NLRP8: variants seen among roughly 807,000 people sequenced by gnomAD.
The protein encoded by NLRP8 is NLR family pyrin domain containing 8, also known as NACHT, LRR and PYD domains-containing protein 8.
NLRP8 carries 86 observed loss-of-function variants against 88.7 expected under a neutral mutation model. That is an observed-to-expected ratio of 0.97 (90% CI 0.81 to 1.16). The LOEUF is 1.16. Ranked by LOEUF, NLRP8 falls within the 50% of genes most tolerant of loss-of-function variation. NLRP8 has a pLI of 0.00. For synonymous variants in NLRP8, 504 were observed against 494.6 expected (o/e 1.02, Z -0.25); for missense variants, 1,342 against 1,286.5 (o/e 1.04, Z -0.66).
chr19:55,953,415 C>T (rs147594425), intron 2 of NLRP8, among the ~76,000 whole-genome samples: 171 of 152,276 alleles, frequency 1.1e-3, no homozygotes, highest in Middle Eastern at 3.4e-3. Flanking sequence ...AACCATCCCC[C>T]GCCACCTGGT....
In NLRP8 at chr19:55,963,270, TC is replaced by T. The variant is rs543349498; in HGVS notation, c.2213+1036del. ...CTCAAGTGATCTGCCCTCCTCGGCCTCCCAAGGTGCTGGGATTACAGATGTG... is the reference window on the plus strand; with the variant it reads ...CTCAAGTGATCTGCCCTCCTCGGCCTCCAAGGTGCTGGGATTACAGATGTG... On this transcript the variant is annotated intron_variant, in intron 4 of 9. Coordinates refer to ENST00000291971, the MANE Select transcript of NLRP8 (RefSeq NM_176811.2). Among the ~76,000 whole-genome samples the T allele has an allele frequency of 3.5e-3, 537 of 152,310 alleles. 1 individual carries two copies. Among genetic ancestry groups the T allele is most frequent in the African/African-American group, 0.012 (510 of 41,564 alleles).
rs1979425144 is a variant in NLRP8, at chr19:55,957,674, TA to T, written c.2042+1575del. On this transcript the variant is annotated intron_variant, in intron 3 of 9. Transcript: ENST00000291971. ...ATCTTAAAAAAGAAAAAATAATAAT[TA>T]TATATATATATATATATATATATAT... Among the ~76,000 whole-genome samples the T allele has an allele frequency of 1.0e-3, 15 of 14,688 alleles. 1 individual carries two copies. The East Asian group carries it at 0.036, about 35-fold the overall frequency. 9.6% of individuals were successfully genotyped at this position (14,688 alleles called of 152,430 possible).
At chr19:55,960,069 C>T (rs560749445) in intron 3 of NLRP8, among the ~76,000 whole-genome samples, 1 of 152,048 alleles carries the variant, frequency 6.6e-6, no homozygotes, top group South Asian at 2.1e-4. Flanking sequence ...CTGAATGGGT[C>T]CTGTTGAGAA....
At chr19:55,966,442 G>A (rs908184155) in intron 5 of NLRP8, 62 bp downstream of exon 5, 44 of 1,445,830 alleles carry the variant, frequency 3.0e-5, no homozygotes, top group Admixed American at 9.1e-5. Context: ...TTTCAAGGGC[G>A]GTGATGAGAG....
intron 3 of NLRP8, among the ~76,000 whole-genome samples, chr19:55,956,490 C>A (rs2123191452): frequency 6.6e-6 from 1 of 152,252 alleles, no homozygotes; most frequent in Non-Finnish European, 1.5e-5. Flanking sequence ...GTCATCCGCC[C>A]ACCTCGGCCT....
In NLRP8 at chr19:55,966,319, A is replaced by C. The variant is rs1052243714; in HGVS notation, c.2320A>C (p.Lys774Gln). The change falls in exon 5 of 10, where the codon AAA becomes CAA. Residue 774 changes from lysine to glutamine, a missense_variant. Transcript: ENST00000291971. ...AATACAACATGTGGAAGTGGAGTCCAAAGCTGTGAAGCTTCTATGCAGGGT... is the reference window on the plus strand; with the variant it reads ...AATACAACATGTGGAAGTGGAGTCCCAAGCTGTGAAGCTTCTATGCAGGGT... 1 of 1,613,996 alleles carries C rather than the reference A, an allele frequency of 6.2e-7. No homozygotes were observed. Among genetic ancestry groups the C allele is most frequent in the African/African-American group, 1.3e-5 (1 of 74,924 alleles).
intron 3 of NLRP8, among the ~76,000 whole-genome samples, chr19:55,961,330 A>G (rs1259662659): frequency 2.0e-5 from 3 of 152,204 alleles, no homozygotes; most frequent in Admixed American, 1.3e-4. Context: ...GCCAAACTAC[A>G]TGCCAATCTA....
chr19:55,949,532 C>G (rs1176844507), intron 1 of NLRP8, among the ~76,000 whole-genome samples: 1 of 152,160 alleles, frequency 6.6e-6, no homozygotes, highest in Non-Finnish European at 1.5e-5. Context: ...GCCACCACAC[C>G]CGGCCTAGAT....
chr19:55,950,938 C>T (rs1216517549), intron 1 of NLRP8, among the ~76,000 whole-genome samples: 7 of 152,066 alleles, frequency 4.6e-5, no homozygotes, highest in East Asian at 1.9e-4. Context: ...ATTAGCCGGG[C>T]GTGGTGGCGC....
intron 5 of NLRP8, among the ~76,000 whole-genome samples, chr19:55,968,574 C>G (rs1448472629): frequency 2.6e-5 from 4 of 152,032 alleles, no homozygotes; most frequent in African/African-American, 9.6e-5. Context: ...AACCCTGTCT[C>G]TACTAAAAAT....
chr19:55,958,061 G>A (rs1979454686), intron 3 of NLRP8, among the ~76,000 whole-genome samples: 1 of 152,136 alleles, frequency 6.6e-6, no homozygotes, highest in African/African-American at 2.4e-5. Flanking sequence ...GGAGCACCTT[G>A]TCCAAGGTCA....
intron 6 of NLRP8, among the ~76,000 whole-genome samples, 165 bp downstream of exon 6, chr19:55,970,861 G>T (rs1980046640): frequency 6.6e-6 from 1 of 152,118 alleles, no homozygotes; most frequent in Non-Finnish European, 1.5e-5. Context: ...TAAGGGTCCA[G>T]CCAAGAATGA....
chr19:55,958,939 T>C (rs557560453), intron 3 of NLRP8, among the ~76,000 whole-genome samples: 81 of 152,094 alleles, frequency 5.3e-4, no homozygotes, highest in African/African-American at 1.9e-3. Flanking sequence ...AGTGCAGTGG[T>C]GAGGTCTCGG....
chr19:55,949,977 G>A (rs1217734177), intron 1 of NLRP8, among the ~76,000 whole-genome samples: 1 of 152,196 alleles, frequency 6.6e-6, no homozygotes, highest in Admixed American at 6.5e-5. Flanking sequence ...CCTAACACAG[G>A]AGGAAATAGC....
At chr19:55,948,663 A>G in intron 1 of NLRP8, among the ~76,000 whole-genome samples, 1 of 151,948 alleles carries the variant, frequency 6.6e-6, no homozygotes, top group Non-Finnish European at 1.5e-5. Context: ...GTCTCGAACT[A>G]CTGACCTCAG....
intron 4 of NLRP8, among the ~76,000 whole-genome samples, chr19:55,964,090 C>A (rs972191451): frequency 6.6e-6 from 1 of 152,166 alleles, no homozygotes; most frequent in Non-Finnish European, 1.5e-5. Context: ...TTTTTAAGAT[C>A]CAAAAACCCG....
chr19:55,982,145 G>T (rs1471184027), intron 9 of NLRP8, among the ~76,000 whole-genome samples: 1 of 152,090 alleles, frequency 6.6e-6, no homozygotes, highest in Non-Finnish European at 1.5e-5. Context: ...CTCGTGATTT[G>T]CCTGCCTTGG....
At chr19:55,986,814 T>A (rs1004767671) in intron 9 of NLRP8, among the ~76,000 whole-genome samples, 1 of 152,004 alleles carries the variant, frequency 6.6e-6, no homozygotes, top group African/African-American at 2.4e-5. Context: ...TGGTGAGGTG[T>A]GAAGCTGGTG....
At chr19:55,966,420 C>A in intron 5 of NLRP8, 40 bp downstream of exon 5, 3 of 1,595,004 alleles carry the variant, frequency 1.9e-6, no homozygotes, top group Non-Finnish European at 1.7e-6. Context: ...AACCGGGGTA[C>A]CCGGATGGTC....
Sources: gnomAD v4.1 joint callset for allele counts (sites outside exome capture counted in the v4.1 genomes callset) on GRCh38, gnomAD v4.1.1 for gene constraint, MANE v1.5 for transcripts, NCBI Gene and HGNC (gene_info 2026-07-23, HGNC 2026-07-21) for gene names.